CPNE4: variants seen among roughly 807,000 people sequenced by gnomAD.
CPNE4 encodes copine-4.
In CPNE4, 25 loss-of-function variants were observed where a neutral mutation model predicts 67.9. The ratio of observed to expected loss-of-function variants is 0.37; its 90% CI spans 0.27 to 0.51. The LOEUF is 0.51. Among genes scored for constraint, CPNE4 ranks in the 20% least tolerant of loss-of-function variants. CPNE4 has a pLI of 0.93. For missense variants in CPNE4, 464 were observed against 690.8 expected, an observed-to-expected ratio of 0.67 and a Z score of 3.68; for synonymous variants, 242 against 244.9, an observed-to-expected ratio of 0.99 and a Z score of 0.11.
intron 2 of CPNE4, among the ~76,000 whole-genome samples, chr3:131,882,626 T>C (rs555669025): frequency 3.0e-4 from 45 of 151,180 alleles, no homozygotes; most frequent in Admixed American, 7.3e-4. Flanking sequence ...TTAGACACTA[T>C]TGTGCATTAA....
chr3:131,847,116 T>C (rs1038703709), intron 2 of CPNE4, among the ~76,000 whole-genome samples: 2 of 152,224 alleles, frequency 1.3e-5, no homozygotes, highest in Non-Finnish European at 2.9e-5. Flanking sequence ...TGTCATCTCA[T>C]GGCTGGCTCC....
chr3:131,564,174 C>T, intron 11 of CPNE4, 42 bp downstream of exon 11: 1 of 1,611,494 alleles, frequency 6.2e-7, no homozygotes, highest in Non-Finnish European at 8.5e-7. Context: ...TCTGAACCCA[C>T]ATGAGAGATG....
intron 2 of CPNE4, among the ~76,000 whole-genome samples, chr3:131,831,855 ATCTC>A (rs955640323): frequency 9.2e-5 from 14 of 152,160 alleles, no homozygotes; most frequent in African/African-American, 2.9e-4. Flanking sequence ...TAGGGAAATA[ATCTC>A]TCTAAGTTGT....
chr3:132,012,027 T>A (rs781262191), intron 1 of CPNE4, among the ~76,000 whole-genome samples: 1 of 152,128 alleles, frequency 6.6e-6, no homozygotes, highest in African/African-American at 2.4e-5. Flanking sequence ...AAGGGACAGA[T>A]AGTACATTTT....
chr3:131,642,016 G>C (rs1319955826), intron 7 of CPNE4, among the ~76,000 whole-genome samples: 1 of 152,066 alleles, frequency 6.6e-6, no homozygotes, highest in Non-Finnish European at 1.5e-5. Context: ...GAAAGGGTGA[G>C]GGGTGGCGAG....
chr3:131,538,240 C>CTATT (rs1257366697), intron 15 of CPNE4, among the ~76,000 whole-genome samples: 76 of 152,292 alleles, frequency 5.0e-4, no homozygotes, highest in African/African-American at 1.8e-3. Context: ...TCTCACGCAA[C>CTATT]TATTGAGTCC....
At chr3:131,853,076 T>A (rs1366784270) in intron 2 of CPNE4, among the ~76,000 whole-genome samples, 1 of 151,746 alleles carries the variant, frequency 6.6e-6, no homozygotes, top group Non-Finnish European at 1.5e-5. Context: ...GACCAGTTTA[T>A]CCTAACATTT....
At chr3:131,904,442 G>A (rs1475374965) in intron 2 of CPNE4, among the ~76,000 whole-genome samples, 2 of 152,068 alleles carry the variant, frequency 1.3e-5, no homozygotes, top group Non-Finnish European at 2.9e-5. Context: ...CCTGAAGACT[G>A]GGTTTAATTA....
chr3:131,949,570 CCTA>C (rs1481443561), intron 1 of CPNE4, among the ~76,000 whole-genome samples: 2 of 152,112 alleles, frequency 1.3e-5, no homozygotes, highest in Admixed American at 6.5e-5. Flanking sequence ...TTATTCACCA[CCTA>C]CTATTTGCTA....
chr3:131,925,779 G>A (rs1262903559), intron 1 of CPNE4, among the ~76,000 whole-genome samples: 2 of 152,154 alleles, frequency 1.3e-5, no homozygotes, highest in Non-Finnish European at 2.9e-5. Context: ...TTAAGTTTCT[G>A]ACTGGGCAGC....
intron 6 of CPNE4, among the ~76,000 whole-genome samples, chr3:131,684,759 A>AC (rs2080846898): frequency 6.6e-6 from 1 of 152,198 alleles, no homozygotes; most frequent in East Asian, 1.9e-4. Context: ...CAAGAATATC[A>AC]CTTCCTTCTT....
intron 2 of CPNE4, among the ~76,000 whole-genome samples, chr3:131,881,075 A>T (rs990453634): frequency 6.6e-6 from 1 of 152,188 alleles, no homozygotes; most frequent in Admixed American, 6.5e-5. Context: ...AAATGTTCAC[A>T]GAACATCAAC....
chr3:131,914,928 A>T (rs1560593125), intron 1 of CPNE4, among the ~76,000 whole-genome samples: 1 of 152,232 alleles, frequency 6.6e-6, no homozygotes, highest in Non-Finnish European at 1.5e-5. Flanking sequence ...GTGAGCCGAG[A>T]TTGCGCCACT....
At chr3:132,015,167 A>G (rs2073861359) in intron 1 of CPNE4, among the ~76,000 whole-genome samples, 2 of 152,206 alleles carry the variant, frequency 1.3e-5, no homozygotes, top group Non-Finnish European at 2.9e-5. Context: ...TGCTGCAAAG[A>G]TAATTTGGCT....
chr3:131,675,754 G>A (rs2080543003), intron 6 of CPNE4, among the ~76,000 whole-genome samples: 2 of 121,908 alleles, frequency 1.6e-5, no homozygotes, highest in South Asian at 2.8e-4. Flanking sequence ...TTATCCATTC[G>A]GCAACCCTAT....
chr3:131,894,264 C>G (rs1228382399), intron 2 of CPNE4, among the ~76,000 whole-genome samples: 2 of 151,874 alleles, frequency 1.3e-5, no homozygotes, highest in East Asian at 3.9e-4. Flanking sequence ...GATGGCCTTA[C>G]TGCTGAATCC....
chr3:131,535,174 C>T lies in CPNE4; in HGVS notation c.*21G>A. 3 of 1,591,232 alleles carry T rather than the reference C, an allele frequency of 1.9e-6. No homozygotes were observed. The highest frequency in any genetic ancestry group is 2.6e-6 in the Non-Finnish European group (3 of 1,169,878). ...TTAGCAGGAATAGTATTTCAGAACT[C>T]TGTAAAACTGTGTGGGGAGTTCATG... On this transcript the variant is annotated 3_prime_UTR_variant, in exon 16 of 16. Transcript: ENST00000429747.
chr3:131,787,581 C>T (rs1309101945), intron 2 of CPNE4, among the ~76,000 whole-genome samples: 1 of 152,102 alleles, frequency 6.6e-6, no homozygotes, highest in Non-Finnish European at 1.5e-5. Context: ...TGATGATCAC[C>T]CTTCCTAAAG....
intron 1 of CPNE4, among the ~76,000 whole-genome samples, chr3:132,003,889 C>T (rs1184359292): frequency 6.6e-6 from 1 of 152,040 alleles, no homozygotes; most frequent in African/African-American, 2.4e-5. Context: ...AACTTGCCGG[C>T]ATCAGCATTT....
Sources: gnomAD v4.1 joint callset for allele counts (sites outside exome capture counted in the v4.1 genomes callset) on GRCh38, gnomAD v4.1.1 for gene constraint, MANE v1.5 for transcripts, NCBI Gene and HGNC (gene_info 2026-07-23, HGNC 2026-07-21) for gene names.